Variants in SPATS2 observed in about 807,000 individuals in gnomAD.
SPATS2 encodes the protein spermatogenesis-associated serine-rich protein 2.
SPATS2 carries 38 observed loss-of-function variants against 63.7 expected under a neutral mutation model. The observed-to-expected ratio is 0.60, with a 90% confidence interval of 0.46 to 0.78. The LOEUF is 0.78. SPATS2 is among the 30% of genes least tolerant of loss of function. SPATS2 has a pLI of 0.00. For synonymous variants in SPATS2, 207 were observed against 232.9 expected, an observed-to-expected ratio of 0.89 and a Z score of 1.01; for missense variants, 588 against 666.2, an observed-to-expected ratio of 0.88 and a Z score of 1.29.
At chr12:49,387,979 A>G (rs1309113580) in intron 2 of SPATS2, among the ~76,000 whole-genome samples, 1 of 152,030 alleles carries the variant, frequency 6.6e-6, no homozygotes, top group East Asian at 1.9e-4. Context: ...GGGTCTTGCT[A>G]TATTATAGCC....
rs1947036021 is a variant in SPATS2 at position 49,526,346 on chromosome 12, AAG to A, written c.*93_*94del. 14 of 1,428,690 alleles carry A rather than the reference AAG, an allele frequency of 9.8e-6. No individual in the cohort carries two copies. Among genetic ancestry groups the A allele is most frequent in the Admixed American group, 2.8e-5 (1 of 36,344 alleles). The allele number at this position is 1,428,690 out of a possible 1,614,324, so 88.5% of individuals were successfully genotyped here. On this transcript the variant is annotated 3_prime_UTR_variant, in exon 14 of 14. Transcript: ENST00000552918. Reference sequence around the variant, plus strand: ...ACTTACAGTTAGATGTAATAACAAAAAGAAGTTTATGCGTATCACTTTTTGTG... The same window carrying A: ...ACTTACAGTTAGATGTAATAACAAAAAAGTTTATGCGTATCACTTTTTGTG...
In SPATS2 at chr12:49,519,156, T is replaced by C. The variant is rs149658012; in HGVS notation, c.982T>C (p.Leu328=). ...HVAVQMSEQQ[L]VELRADIKHF... is the part of the protein sequence containing the mutation. The stretch of plus-strand genomic sequence containing the variant: ...GGCTGTTCAAATGTCAGAGCAGCAA[T>C]TGGTTGAGCTCAGAGCTGATATCAA... Residue 328 remains leucine, a synonymous_variant, in exon 11 of 14, where the codon TTG becomes CTG. Transcript: ENST00000552918. 1.9e-6 allele frequency: 3 copies of C among 1,614,026 alleles called. No homozygotes were observed. Among genetic ancestry groups the C allele is most frequent in the East Asian group, 2.2e-5 (1 of 44,876 alleles).
At chr12:49,394,143 A>G (rs1327151972) in intron 2 of SPATS2, among the ~76,000 whole-genome samples, 2 of 151,818 alleles carry the variant, frequency 1.3e-5, no homozygotes, top group Non-Finnish European at 2.9e-5. Flanking sequence ...AGCCCATGTC[A>G]CCTGGGCAAC....
chr12:49,383,065 T>C (rs1021787485), intron 2 of SPATS2, among the ~76,000 whole-genome samples: 8 of 152,126 alleles, frequency 5.3e-5, no homozygotes, highest in African/African-American at 1.7e-4. Context: ...TCACCCAGGC[T>C]GGAGTGCAGT....
chr12:49,455,088 G>T (rs971951752), intron 2 of SPATS2, among the ~76,000 whole-genome samples: 7 of 151,826 alleles, frequency 4.6e-5, no homozygotes, highest in African/African-American at 7.3e-5. Context: ...TACCGTTTTT[G>T]GTTTTGTTTT....
rs201304114 is a variant in SPATS2, at chr12:49,392,236, A to AT, written c.-244+20958dup. 7.9e-3 allele frequency among the ~76,000 whole-genome samples: 1,109 copies of AT among 139,932 alleles called. 26 individuals carry two copies. Among genetic ancestry groups the AT allele is most frequent in the Admixed American group, 0.05 (707 of 14,174 alleles). The allele number at this position is 139,932 out of a possible 152,430, so 91.8% of individuals were successfully genotyped here. ...TTATTTAGTGACACTTTTCCATCCT[A>AT]TTTTTTTTTTTTGGTTGTTGTTAAA... On this transcript the variant is annotated intron_variant, in intron 2 of 13. Transcript: ENST00000552918.
chr12:49,481,527 G>A (rs927081829), intron 3 of SPATS2, among the ~76,000 whole-genome samples: 1 of 142,724 alleles, frequency 7.0e-6, no homozygotes, highest in Non-Finnish European at 1.5e-5. Flanking sequence ...GAGTGCAGTG[G>A]CTCATTCTCA....
rs1236549425 is a variant in SPATS2 at position 49,436,737 on chromosome 12, AC to A, written c.-243-24026del. On this transcript the variant is annotated intron_variant, in intron 2 of 13. Transcript: ENST00000552918. Reference sequence around the variant, plus strand: ...GGGCGGCTGGCCGGGCGGGGGGCTGACCCCCCCACATCCTTCCCGGACAGGG... The same window carrying A: ...GGGCGGCTGGCCGGGCGGGGGGCTGACCCCCCACATCCTTCCCGGACAGGG... Among the ~76,000 whole-genome samples, 24 of 137,660 alleles carry A rather than the reference AC, an allele frequency of 1.7e-4. No individual in the cohort carries two copies. The East Asian group carries it at 4.8e-3, about 27-fold the overall frequency. The allele number at this position is 137,660 out of a possible 152,430, so 90.3% of individuals were successfully genotyped here.
At chr12:49,418,170 A>C (rs1459562447) in intron 2 of SPATS2, among the ~76,000 whole-genome samples, 1 of 132,312 alleles carries the variant, frequency 7.6e-6, no homozygotes. Context: ...GCCAGAGTGC[A>C]GTGGTGCAAT....
At chr12:49,453,416 T>C (rs1945660281) in intron 2 of SPATS2, among the ~76,000 whole-genome samples, 2 of 152,334 alleles carry the variant, frequency 1.3e-5, no homozygotes, top group South Asian at 4.1e-4. Flanking sequence ...TAAGTAACTT[T>C]CCTGGACTAA....
intron 12 of SPATS2, among the ~76,000 whole-genome samples, chr12:49,523,198 C>T (rs1169967271): frequency 2.0e-5 from 3 of 152,122 alleles, no homozygotes; most frequent in East Asian, 1.9e-4. Flanking sequence ...TAACAGGCCA[C>T]GCGCCGAGGC....
At chr12:49,382,249 A>C (rs1393286044) in intron 2 of SPATS2, among the ~76,000 whole-genome samples, 1 of 152,254 alleles carries the variant, frequency 6.6e-6, no homozygotes, top group East Asian at 1.9e-4. Flanking sequence ...ATACTTTCAC[A>C]ATAGCACTTA....
At chr12:49,491,948 A>G (rs183790125) in intron 6 of SPATS2, among the ~76,000 whole-genome samples, 1 of 152,224 alleles carries the variant, frequency 6.6e-6, no homozygotes, top group East Asian at 1.9e-4. Context: ...TCTTTTCTTT[A>G]TTAAGTCAGT....
chr12:49,406,537 C>A, intron 2 of SPATS2: 1 of 152,556 alleles, frequency 6.6e-6, no homozygotes, highest in South Asian at 2.0e-4. Context: ...ATCCTCCCAC[C>A]TTGGCCTTCC....
At chr12:49,470,677 C>T (rs1946019607) in intron 3 of SPATS2, among the ~76,000 whole-genome samples, 1 of 152,150 alleles carries the variant, frequency 6.6e-6, no homozygotes, top group Non-Finnish European at 1.5e-5. Context: ...GATAATCATG[C>T]CATAAGATCA....
intron 4 of SPATS2, among the ~76,000 whole-genome samples, chr12:49,485,379 C>T (rs925148257): frequency 5.3e-5 from 8 of 150,030 alleles, no homozygotes; most frequent in African/African-American, 1.5e-4. Context: ...TGGGTTTTTT[C>T]GAGACAGAGT....
intron 6 of SPATS2, among the ~76,000 whole-genome samples, chr12:49,494,014 T>C (rs964627402): frequency 1.3e-5 from 2 of 152,246 alleles, no homozygotes; most frequent in Non-Finnish European, 2.9e-5. Context: ...AATCCTGTGC[T>C]GTTAATAGTG....
intron 10 of SPATS2, among the ~76,000 whole-genome samples, chr12:49,515,720 GAGA>G (rs1029358236): frequency 2.0e-5 from 3 of 152,126 alleles, no homozygotes; most frequent in Admixed American, 2.0e-4. Context: ...TCTTAGTTTT[GAGA>G]AGAAGGTCCT....
intron 3 of SPATS2, among the ~76,000 whole-genome samples, chr12:49,476,822 T>A (rs1946126111): frequency 6.6e-6 from 1 of 152,156 alleles, no homozygotes; most frequent in African/African-American, 2.4e-5. Context: ...TTCTTGGAAC[T>A]TGGCTGGGCG....
Sources: gnomAD v4.1 joint callset for allele counts (sites outside exome capture counted in the v4.1 genomes callset) on GRCh38, gnomAD v4.1.1 for gene constraint, MANE v1.5 for transcripts, NCBI Gene and HGNC (gene_info 2026-07-23, HGNC 2026-07-21) for gene names.